The following XDH variants were observed in gnomAD, a reference collection of about 807,000 sequenced individuals.
XDH encodes xanthine dehydrogenase.
Under a neutral mutation model 156.1 loss-of-function variants are expected in XDH, and 138 were observed. The ratio of observed to expected loss-of-function variants is 0.88; its 90% confidence interval spans 0.77 to 1.02. The LOEUF is 1.02. Ranked by LOEUF, XDH falls within the 50% of genes least tolerant of loss-of-function variation. The pLI is 0.00. For missense variants in XDH, 1,849 were observed against 1,684.9 expected (o/e 1.10, Z -1.71); for synonymous variants, 669 against 625.7 (o/e 1.07, Z -1.03).
chr2:31,406,163 G>T (rs1227336143), intron 1 of XDH, among the ~76,000 whole-genome samples, 199 bp from the exon 2 acceptor site: 1 of 152,188 alleles, frequency 6.6e-6, no homozygotes, highest in East Asian at 1.9e-4. Flanking sequence ...GAAGCAATAT[G>T]ATCATGGGGG....
At position 31,368,673 on chromosome 2, in the gene XDH, A is replaced by C; in HGVS notation, c.1981-13T>G. Reference sequence around the variant, plus strand: ...CAACACAAGTAACCTAGTAGCAGAGACAGACTGTTAAAGAACGCAACCAGG... The same window carrying C: ...CAACACAAGTAACCTAGTAGCAGAGCCAGACTGTTAAAGAACGCAACCAGG... On this transcript the variant is annotated splice_polypyrimidine_tract_variant and intron_variant, in intron 18 of 35. Coordinates refer to ENST00000379416, the MANE Select transcript of XDH (RefSeq NM_000379.4). 3 of 1,614,228 alleles carry C rather than the reference A, an allele frequency of 1.9e-6. No homozygotes were observed. Among genetic ancestry groups the C allele is most frequent in the Non-Finnish European group, 2.5e-6 (3 of 1,180,032 alleles).
intron 23 of XDH, 35 bp downstream of exon 23, chr2:31,365,422 T>G (rs2365842): frequency 6.2e-7 from 1 of 1,611,842 alleles, no homozygotes; most frequent in Non-Finnish European, 8.5e-7. Context: ...ACAAAATGGC[T>G]CATCCCGCCC....
intron 6 of XDH, among the ~76,000 whole-genome samples, chr2:31,397,024 T>A (rs1350930718): frequency 6.6e-6 from 1 of 152,152 alleles, no homozygotes. Context: ...CGTGGCCCAA[T>A]TGAGAAGTCA....
chr2:31,345,699 G>A (rs45472702), intron 30 of XDH, among the ~76,000 whole-genome samples: 6 of 151,944 alleles, frequency 3.9e-5, no homozygotes, highest in Admixed American at 2.0e-4. Context: ...GTGTGTGCAC[G>A]CATGCTTGTG....
chr2:31,377,497 A>G (rs1052419176), intron 13 of XDH, among the ~76,000 whole-genome samples: 1 of 152,174 alleles, frequency 6.6e-6, no homozygotes, highest in Non-Finnish European at 1.5e-5. Context: ...TCAGGGACAA[A>G]GTAGAACTGG....
At chr2:31,390,949 G>A (rs905783778) in intron 6 of XDH, among the ~76,000 whole-genome samples, 32 of 152,064 alleles carry the variant, frequency 2.1e-4, no homozygotes, top group African/African-American at 6.8e-4. Context: ...CCAGTGTACC[G>A]CTTGTCTCCT....
chr2:31,389,977 G>C (rs1159449777), intron 6 of XDH, among the ~76,000 whole-genome samples: 2 of 152,048 alleles, frequency 1.3e-5, no homozygotes, highest in Non-Finnish European at 2.9e-5. Flanking sequence ...CTCAAAAGTG[G>C]CATATTTGTT....
intron 28 of XDH, 74 bp downstream of exon 28, chr2:31,348,194 T>C (rs1330962842): frequency 1.4e-6 from 2 of 1,478,760 alleles, no homozygotes; most frequent in Non-Finnish European, 1.9e-6. Context: ...TCTGCTCTGA[T>C]AGGTCCCACT....
chr2:31,383,283 G>C (rs1205810916), intron 10 of XDH, 131 bp from the exon 11 acceptor site: 3 of 1,405,026 alleles, frequency 2.1e-6, no homozygotes, highest in African/African-American at 2.9e-5. Flanking sequence ...CCATGGATGA[G>C]GAAATGAGGG....
At chr2:31,378,115 G>GAAAGAAAGAAAGAAAGAAAGAAAGAAA (rs1558696682) in intron 13 of XDH, among the ~76,000 whole-genome samples, 2 of 35,428 alleles carry the variant, frequency 5.6e-5, no homozygotes, top group African/African-American at 2.4e-4. Flanking sequence ...AGAAAGGAAG[G>GAAAGAAAGAAAGAAAGAAAGAAAGAAA]AAGGAAGGAA....
chr2:31,395,987 C>G (rs1399621150), intron 6 of XDH, among the ~76,000 whole-genome samples: 1 of 152,198 alleles, frequency 6.6e-6, no homozygotes, highest in Non-Finnish European at 1.5e-5. Flanking sequence ...GTGCCCACCT[C>G]TAGTTGACCC....
intron 25 of XDH, 55 bp downstream of exon 25, chr2:31,349,977 G>A (rs964901081): frequency 6.2e-6 from 10 of 1,612,048 alleles, no homozygotes; most frequent in African/African-American, 2.7e-5. Context: ...CAAAGCCGCT[G>A]TCCCCCGAAG....
chr2:31,373,733 C>A, intron 16 of XDH, 140 bp downstream of exon 16: 1 of 791,436 alleles, frequency 1.3e-6, no homozygotes, highest in Non-Finnish European at 2.1e-6. Flanking sequence ...ATTTTCTTCA[C>A]TGGGTATTTA....
intron 4 of XDH, among the ~76,000 whole-genome samples, chr2:31,400,406 T>A (rs974155924): frequency 6.6e-6 from 1 of 151,980 alleles, no homozygotes; most frequent in East Asian, 1.9e-4. Context: ...GCCTGGCTAA[T>A]TTTTTGGTAT....
intron 24 of XDH, among the ~76,000 whole-genome samples, chr2:31,351,220 A>T (rs1045652430): frequency 6.6e-6 from 1 of 152,170 alleles, no homozygotes; most frequent in African/African-American, 2.4e-5. Context: ...CAGCTGAACC[A>T]TGTAGTTACA....
chr2:31,367,505 G>C (rs1193800746), intron 20 of XDH, among the ~76,000 whole-genome samples: 1 of 152,106 alleles, frequency 6.6e-6, no homozygotes. Flanking sequence ...GTGTTGTCCT[G>C]GGGTGGGAGC....
At chr2:31,357,978 T>C (rs1467403049) in intron 24 of XDH, among the ~76,000 whole-genome samples, 22 of 152,184 alleles carry the variant, frequency 1.4e-4, no homozygotes, top group Non-Finnish European at 1.5e-5. Flanking sequence ...AGTGTTTTTT[T>C]GTTTGTTTCT....
chr2:31,403,049 C>T lies in XDH; in HGVS notation c.196G>A (p.Val66Ile), dbSNP rs776566460. Residue 66 changes from valine to isoleucine, a missense_variant and splice_region_variant, in exon 3 of 36, where the codon GTC becomes ATC. Transcript: ENST00000379416. ...SKYDRLQNKI[V>I]HFSANACLAP... ...GGTCAGCCAGCAGGCAAAGGATACA[C>T]GATCTTGTTCTGCAGACGATCATAC... The T allele has an allele frequency of 1.2e-5, 20 of 1,614,002 alleles. No individual in the cohort carries two copies. In the East Asian group the frequency reaches 1.3e-4, roughly 11 times the overall value.
intron 13 of XDH, among the ~76,000 whole-genome samples, chr2:31,378,117 AGGAAGGAAGG>A (rs1686313300): frequency 1.4e-4 from 5 of 36,532 alleles, no homozygotes; most frequent in Admixed American, 6.1e-4. Context: ...AAAGGAAGGA[AGGAAGGAAGG>A]AAGGAAGGAA....
Sources: gnomAD v4.1 joint callset for allele counts (sites outside exome capture counted in the v4.1 genomes callset) on GRCh38, gnomAD v4.1.1 for gene constraint, MANE v1.5 for transcripts, NCBI Gene and HGNC (gene_info 2026-07-23, HGNC 2026-07-21) for gene names.